BOC: variants seen among roughly 807,000 people sequenced by gnomAD.
BOC encodes brother of CDO.
Under a neutral mutation model 112.0 loss-of-function variants are expected in BOC, and 76 were observed. The observed-to-expected ratio is 0.68, with a 90% CI of 0.56 to 0.82. The LOEUF (loss-of-function observed/expected upper bound fraction) is 0.82. Among genes scored for constraint, BOC ranks in the 40% least tolerant of loss-of-function variants. BOC has a pLI of 0.00. For synonymous variants in BOC, 580 were observed against 599.8 expected (o/e 0.97, Z 0.48); for missense variants, 1,309 against 1,511.7 (o/e 0.87, Z 2.22).
chr3:113,243,167 G>C (rs187925523), intron 2 of BOC, among the ~76,000 whole-genome samples: 1 of 152,148 alleles, frequency 6.6e-6, no homozygotes, highest in Non-Finnish European at 1.5e-5. Context: ...TCTCACAAGA[G>C]GACAAGTGGC....
In BOC at chr3:113,283,809, G is replaced by A. The variant is rs58781562; in HGVS notation, c.2656+177G>A. 7.4e-3 allele frequency among the ~76,000 whole-genome samples: 1,124 copies of A among 151,960 alleles called. 9 individuals carry two copies. The highest frequency in any genetic ancestry group is 0.026 in the African/African-American group (1,069 of 41,440). On this transcript the variant is annotated intron_variant, in intron 16 of 19. Transcript: ENST00000682979. ...TCCCCCAGCTCACAGACCTCGGCTT[G>A]GGGAGGAGGAAGGAGGGAAAGTTGG...
chr3:113,280,425 TAG>T, intron 13 of BOC, 131 bp from the exon 14 acceptor site: 1 of 675,850 alleles, frequency 1.5e-6, no homozygotes, highest in Non-Finnish European at 2.7e-6. Context: ...GGGATATCAT[TAG>T]AAATCTTTGC....
chr3:113,275,036 C>T (rs950957688), intron 9 of BOC, among the ~76,000 whole-genome samples: 4 of 152,196 alleles, frequency 2.6e-5, no homozygotes, highest in Admixed American at 1.3e-4. Context: ...TTTCCTCTGT[C>T]GTTAGTTGTT....
At chr3:113,271,354 T>C (rs1948101871) in intron 6 of BOC, 1 of 403,602 alleles carries the variant, frequency 2.5e-6, no homozygotes, top group Non-Finnish European at 5.0e-6. Flanking sequence ...ATGAGGTCCC[T>C]GGGCCTGCAC....
intron 2 of BOC, among the ~76,000 whole-genome samples, chr3:113,228,815 C>T (rs1942110353): frequency 6.6e-6 from 1 of 152,166 alleles, no homozygotes; most frequent in African/African-American, 2.4e-5. Flanking sequence ...CTGATCTGAT[C>T]CCAGGGTGTA....
chr3:113,277,463 G>A (rs566644470), intron 9 of BOC, among the ~76,000 whole-genome samples: 139 of 152,308 alleles, frequency 9.1e-4, no homozygotes, highest in Middle Eastern at 6.8e-3. Context: ...TTGGAGTCAA[G>A]TCACCGTTTT....
chr3:113,254,500 C>T (rs1946012450), intron 4 of BOC, among the ~76,000 whole-genome samples: 1 of 152,172 alleles, frequency 6.6e-6, no homozygotes, highest in Non-Finnish European at 1.5e-5. Context: ...TTTCTGAAAG[C>T]ACATTCCTGA....
Position 113,279,460 on chromosome 3 carries a change from G to A in BOC, c.2023+5G>A, listed in dbSNP as rs755537929. The A allele has an allele frequency of 1.2e-6, 2 of 1,612,896 alleles. No homozygotes were observed. The highest frequency in any genetic ancestry group is 2.2e-5 in the East Asian group (1 of 44,842). On this transcript the variant is annotated splice_donor_5th_base_variant and intron_variant, in intron 12 of 19. Coordinates refer to ENST00000682979, the MANE Select transcript of BOC (RefSeq NM_001378074.1). ...AGATCACGGGCCTAGAGAAAGGTAGGGGCCTGGCCACACCGTGGCCTTGGC... is the reference window on the plus strand; with the variant it reads ...AGATCACGGGCCTAGAGAAAGGTAGAGGCCTGGCCACACCGTGGCCTTGGC...
At chr3:113,279,174 G>GCGTCATCTCACCCTGCTTCCTTCCTCA (rs1019737163) in intron 11 of BOC, 75 bp from the exon 12 acceptor site, 466 of 1,475,844 alleles carry the variant, frequency 3.2e-4, no homozygotes, top group Admixed American at 2.4e-4. Flanking sequence ...TGGGCATACA[G>GCGTCATCTCACCCTGCTTCCTTCCTCA]CGTCATCTCA....
At chr3:113,239,721 A>G (rs1185701369) in intron 2 of BOC, among the ~76,000 whole-genome samples, 1 of 152,228 alleles carries the variant, frequency 6.6e-6, no homozygotes, top group Non-Finnish European at 1.5e-5. Context: ...TGCTCTTTGC[A>G]GGGAAGGTTG....
chr3:113,286,917 AGAAG>A lies in BOC; in HGVS notation c.*56_*59del. ...TATTGTTTTTTTTTTAAAAAAAAAA[AGAAG>A]AAAAAAGAGACAGAGAAAATTGGTA... On this transcript the variant is annotated 3_prime_UTR_variant, in exon 20 of 20. Coordinates refer to ENST00000682979, the MANE Select transcript of BOC (RefSeq NM_001378074.1). 1.4e-6 allele frequency: 2 copies of A among 1,403,876 alleles called. No homozygotes were observed. Among genetic ancestry groups the A allele is most frequent in the Non-Finnish European group, 1.9e-6 (2 of 1,043,686 alleles). The allele number at this position is 1,403,876 out of a possible 1,614,324, so 87.0% of individuals were successfully genotyped here.
At chr3:113,231,184 A>G (rs1485009261) in intron 2 of BOC, among the ~76,000 whole-genome samples, 4 of 152,214 alleles carry the variant, frequency 2.6e-5, no homozygotes, top group Non-Finnish European at 5.9e-5. Flanking sequence ...GTGGCATGAG[A>G]ATATTTGGAG....
intron 19 of BOC, 128 bp downstream of exon 19, chr3:113,285,693 G>A: frequency 1.1e-6 from 1 of 944,204 alleles, no homozygotes; most frequent in Non-Finnish European, 1.5e-6. Context: ...CATTTATGTG[G>A]GAGGGATGGG....
intron 2 of BOC, among the ~76,000 whole-genome samples, chr3:113,242,303 C>T (rs1275797213): frequency 6.6e-6 from 1 of 152,120 alleles, no homozygotes; most frequent in Non-Finnish European, 1.5e-5. Flanking sequence ...TAAAACCCCC[C>T]ACACTGTGGG....
chr3:113,281,302 C>A, intron 15 of BOC, 149 bp downstream of exon 15: 1 of 981,126 alleles, frequency 1.0e-6, no homozygotes, highest in Non-Finnish European at 1.5e-6. Flanking sequence ...ATGTTTCACT[C>A]TCTACTCATT....
Position 113,286,900 on chromosome 3 carries a change from T to TA in BOC, c.*38_*39insA. ...ATCCCAGAAAGACTATATATTGTTTTTTTTTTAAAAAAAAAAAGAAGAAAA... is the reference window on the plus strand; with the variant it reads ...ATCCCAGAAAGACTATATATTGTTTTATTTTTTAAAAAAAAAAAGAAGAAAA... On this transcript the variant is annotated 3_prime_UTR_variant, in exon 20 of 20. Coordinates refer to ENST00000682979, the MANE Select transcript of BOC (RefSeq NM_001378074.1). 6.7e-7 allele frequency: 1 copy of TA among 1,490,592 alleles called. No homozygotes were observed. Among genetic ancestry groups the TA allele is most frequent in the Non-Finnish European group, 9.0e-7 (1 of 1,114,786 alleles). The allele number at this position is 1,490,592 out of a possible 1,614,324, so 92.3% of individuals were successfully genotyped here.
intron 5 of BOC, chr3:113,270,494 G>T: frequency 3.5e-6 from 1 of 284,794 alleles, no homozygotes; most frequent in Non-Finnish European, 6.6e-6. Context: ...GCCTCCCTTA[G>T]CTCCCTTTAA....
Position 113,286,813 on chromosome 3 carries a change from C to G in BOC, c.3299C>G (p.Pro1100Arg). Residue 1100 changes from proline to arginine, a missense_variant, in exon 20 of 20, where the codon CCG (proline) becomes CGG (arginine). Pro to Arg is a moderately radical substitution (Grantham distance 103). Transcript: ENST00000682979. ...CAGGAACCTGGAATGCAGCTCTCCC[C>G]GGGGCCACTGGTGCGTGTGTCTTTT... Reference protein sequence around the residue: ...VGQEPGMQLSPGPLVRVSFET... With the variant: ...VGQEPGMQLSRGPLVRVSFET... The G allele has an allele frequency of 6.2e-7, 1 of 1,610,886 alleles. No individual in the cohort carries two copies. The highest frequency in any genetic ancestry group is 8.5e-7 in the Non-Finnish European group (1 of 1,178,650).
At chr3:113,260,696 AC>A (rs1190528551) in intron 4 of BOC, among the ~76,000 whole-genome samples, 4 of 126,900 alleles carry the variant, frequency 3.2e-5, no homozygotes, top group African/African-American at 1.4e-4. Flanking sequence ...ACAGAACAGA[AC>A]AGAACAGAAC....
Sources: allele counts gnomAD v4.1 joint callset (sites outside exome capture counted in the v4.1 genomes callset), GRCh38; gene constraint gnomAD v4.1.1; transcripts MANE v1.5; gene names NCBI Gene and HGNC (gene_info 2026-07-23, HGNC 2026-07-21).